TG: variants seen among roughly 807,000 people sequenced by gnomAD.
The protein encoded by TG is thyroid hormones.
Under a neutral mutation model 324.7 loss-of-function variants are expected in TG, and 270 were observed. That is an observed-to-expected ratio of 0.83 (90% CI 0.75 to 0.92). TG has a LOEUF of 0.92. TG is among the 40% of genes least tolerant of loss of function. TG has a pLI of 0.00. For missense variants in TG, 3,591 were observed against 3,456.4 expected (o/e 1.04, Z -0.98); for synonymous variants, 1,401 against 1,327.0 (o/e 1.06, Z -1.21).
At chr8:133,081,854 C>A (rs1032366094) in intron 41 of TG, among the ~76,000 whole-genome samples, 13 of 152,346 alleles carry the variant, frequency 8.5e-5, no homozygotes, top group Admixed American at 7.8e-4. Flanking sequence ...TGTAGCTGCA[C>A]TCCTGTGTAA....
chr8:132,988,432 C>A (rs2703013), intron 35 of TG, among the ~76,000 whole-genome samples: 141,659 of 152,176 alleles, frequency 0.93, 66,614 homozygotes, highest in African/African-American at 0.97. Flanking sequence ...AGAAGAGGAC[C>A]GGGGCCAAAG....
chr8:133,111,402 A>T (rs557208423), intron 43 of TG, among the ~76,000 whole-genome samples: 3 of 152,346 alleles, frequency 2.0e-5, no homozygotes, highest in African/African-American at 7.2e-5. Context: ...TATGTGTGAA[A>T]TGTTTAGCAC....
chr8:132,981,462 G>A (rs1830835542), intron 34 of TG, among the ~76,000 whole-genome samples: 2 of 152,224 alleles, frequency 1.3e-5, no homozygotes, highest in African/African-American at 2.4e-5. Flanking sequence ...ACTCTCAGGA[G>A]CCTGGTTCTG....
At chr8:132,895,368 G>A (rs1256603744) in intron 11 of TG, among the ~76,000 whole-genome samples, 4 of 152,260 alleles carry the variant, frequency 2.6e-5, no homozygotes, top group Non-Finnish European at 4.4e-5. Context: ...ACTCCAGGGT[G>A]TCTATGGCCA....
At chr8:132,908,469 C>A in intron 18 of TG, 129 bp downstream of exon 18, 1 of 262,094 alleles carries the variant, frequency 3.8e-6, no homozygotes, top group Non-Finnish European at 6.9e-6. Context: ...TTTGCTGGAA[C>A]TAATAGTGAA....
chr8:132,948,693 GC>G (rs1446990552), intron 26 of TG, 82 bp from the exon 27 acceptor site: 1 of 1,466,184 alleles, frequency 6.8e-7, no homozygotes, highest in African/African-American at 1.4e-5. Flanking sequence ...ATCTTTATTT[GC>G]AAATGCTCTC....
intron 41 of TG, among the ~76,000 whole-genome samples, chr8:133,070,985 A>G (rs872285): frequency 0.038 from 5,722 of 152,308 alleles, 265 homozygotes; most frequent in African/African-American, 0.11. Context: ...CTGTCTTTAG[A>G]ACCCACAGTG....
intron 35 of TG, chr8:132,995,398 A>C (rs958424581): frequency 2.0e-6 from 2 of 985,288 alleles, no homozygotes; most frequent in Non-Finnish European, 2.4e-6. Context: ...GTGCCGCCTT[A>C]GGAGTCTGTC....
intron 41 of TG, chr8:133,049,846 T>C: frequency 8.9e-7 from 1 of 1,125,854 alleles, no homozygotes; most frequent in Non-Finnish European, 1.4e-6. Flanking sequence ...TTCCACCTTA[T>C]GAGTCACCAG....
chr8:133,100,878 A>C (rs2958670), intron 43 of TG, among the ~76,000 whole-genome samples: 47,890 of 152,074 alleles, frequency 0.31, 8,185 homozygotes, highest in African/African-American at 0.44. Flanking sequence ...GGTTAGCCTA[A>C]GTGAAGTAAC....
chr8:133,011,075 G>T (rs1033772335), intron 35 of TG, among the ~76,000 whole-genome samples: 2 of 152,198 alleles, frequency 1.3e-5, no homozygotes, highest in African/African-American at 4.8e-5. Flanking sequence ...CATGCAAGAA[G>T]CTTGGTGCAG....
chr8:133,098,404 TA>T (rs1848754872), intron 43 of TG, among the ~76,000 whole-genome samples: 1 of 152,214 alleles, frequency 6.6e-6, no homozygotes, highest in South Asian at 2.1e-4. Flanking sequence ...TTGCTGCCCC[TA>T]AACACTGTCC....
At chr8:133,042,270 G>T (rs1393645425) in intron 41 of TG, among the ~76,000 whole-genome samples, 1 of 152,080 alleles carries the variant, frequency 6.6e-6, no homozygotes, top group African/African-American at 2.4e-5. Flanking sequence ...AGACCCCCTG[G>T]TCTAATTCAC....
intron 41 of TG, chr8:133,050,096 C>T (rs1840126672): frequency 8.8e-6 from 7 of 793,136 alleles, no homozygotes; most frequent in Middle Eastern, 2.2e-4. Flanking sequence ...GAACATTCCT[C>T]TTTTAAGATC....
intron 23 of TG, among the ~76,000 whole-genome samples, chr8:132,931,329 A>T (rs12549851): frequency 0.4 from 61,275 of 151,886 alleles, 15,039 homozygotes; most frequent in Admixed American, 0.53. Flanking sequence ...GTGCTTGGGG[A>T]AGGACTACAT....
intron 15 of TG, among the ~76,000 whole-genome samples, 158 bp from the exon 16 acceptor site, chr8:132,901,195 G>C (rs571030537): frequency 6.6e-6 from 1 of 152,370 alleles, no homozygotes; most frequent in Admixed American, 6.5e-5. Context: ...TTGCCTTGTT[G>C]TCATTCAACC....
At chr8:133,097,212 T>C (rs978518027) in intron 43 of TG, among the ~76,000 whole-genome samples, 3 of 152,208 alleles carry the variant, frequency 2.0e-5, no homozygotes, top group African/African-American at 7.2e-5. Context: ...TTTTATTAAA[T>C]CATGAAAGCA....
intron 4 of TG, among the ~76,000 whole-genome samples, chr8:132,871,956 G>A (rs906889327): frequency 1.2e-4 from 18 of 152,194 alleles, no homozygotes; most frequent in Admixed American, 6.5e-5. Flanking sequence ...TCCTAGTGAT[G>A]TAATGATGAT....
intron 3 of TG, among the ~76,000 whole-genome samples, chr8:132,871,113 C>T (rs543012723): frequency 3.0e-4 from 45 of 152,290 alleles, no homozygotes; most frequent in Non-Finnish European, 5.7e-4. Context: ...TCCACAGGAC[C>T]GTGCTCTGGG....
Sources: allele counts gnomAD v4.1 joint callset (sites outside exome capture counted in the v4.1 genomes callset), GRCh38; gene constraint gnomAD v4.1.1; transcripts MANE v1.5; gene names NCBI Gene and HGNC (gene_info 2026-07-23, HGNC 2026-07-21).